NBEA: variants seen among roughly 807,000 people sequenced by gnomAD.
NBEA encodes neurobeachin.
NBEA carries 44 observed loss-of-function variants against 343.4 expected under a neutral mutation model. The observed-to-expected ratio is 0.13, with a 90% CI of 0.10 to 0.16. NBEA has a LOEUF of 0.16. NBEA is among the 10% of genes least tolerant of loss of function. The probability of loss-of-function intolerance (pLI) is 1.00; values close to 1 mark genes in which losing one functional copy is unlikely to be tolerated. For missense variants in NBEA, 2,555 were observed against 3,631.3 expected (o/e 0.70, Z 7.62); for synonymous variants, 1,175 against 1,238.7 (o/e 0.95, Z 1.08).
chr13:35,542,894 T>C (rs902320896), intron 41 of NBEA, among the ~76,000 whole-genome samples: 2 of 152,064 alleles, frequency 1.3e-5, no homozygotes, highest in African/African-American at 2.4e-5. Context: ...TTTATATAAT[T>C]TCTCTCTTTG....
intron 38 of NBEA, among the ~76,000 whole-genome samples, chr13:35,379,232 C>G (rs1018990105): frequency 2.6e-5 from 4 of 151,984 alleles, no homozygotes; most frequent in Non-Finnish European, 5.9e-5. Context: ...TTTACATTTT[C>G]TGTGATTTTC....
At chr13:35,073,030 C>G (rs1211532973) in intron 10 of NBEA, among the ~76,000 whole-genome samples, 1 of 152,040 alleles carries the variant, frequency 6.6e-6, no homozygotes, top group Admixed American at 6.6e-5. Flanking sequence ...GAGATTTGCT[C>G]TTTGGTACAG....
In NBEA at chr13:35,055,434, A is replaced by C. The variant is rs528723476; in HGVS notation, c.973-576A>C. ...TTAAATATATAATTATCCTGGATTT[A>C]CTAAATCTAAATGGTGAAATTGAAG... On this transcript the variant is annotated intron_variant, in intron 6 of 58. Transcript: ENST00000379939. Among the ~76,000 whole-genome samples, 3 of 152,264 alleles carry C rather than the reference A, an allele frequency of 2.0e-5. No homozygotes were observed. In the South Asian group the frequency reaches 6.2e-4, roughly 32 times the overall value.
At chr13:35,632,537 A>G (rs2083497201) in intron 49 of NBEA, among the ~76,000 whole-genome samples, 1 of 151,820 alleles carries the variant, frequency 6.6e-6, no homozygotes, top group Non-Finnish European at 1.5e-5. Flanking sequence ...GGTATAATGA[A>G]CCTCCATGTA....
intron 36 of NBEA, among the ~76,000 whole-genome samples, chr13:35,317,564 C>T (rs1390794916): frequency 2.6e-5 from 4 of 152,114 alleles, no homozygotes; most frequent in African/African-American, 7.2e-5. Flanking sequence ...GTTCTTTTTG[C>T]TTAGGATTGT....
intron 38 of NBEA, among the ~76,000 whole-genome samples, chr13:35,422,766 C>A (rs561436119): frequency 6.6e-6 from 1 of 152,076 alleles, no homozygotes. Context: ...GTCCCACCAA[C>A]GTGTAAAAGT....
At chr13:35,394,292 A>T (rs568340105) in intron 38 of NBEA, among the ~76,000 whole-genome samples, 1 of 152,136 alleles carries the variant, frequency 6.6e-6, no homozygotes, top group South Asian at 2.1e-4. Flanking sequence ...TCTTTTCAAA[A>T]CACAAGGGAA....
chr13:35,352,153 A>G lies in NBEA; in HGVS notation c.6013-4A>G, dbSNP rs1297378511. ...TATTATGCATCATTTGTATTTCTTT[A>G]TAGTCACAGTGTGCCCAATATGCTG... On this transcript the variant is annotated splice_polypyrimidine_tract_variant and splice_region_variant and intron_variant, in intron 37 of 58. Coordinates refer to ENST00000379939, the MANE Select transcript of NBEA (RefSeq NM_001385012.1). 2 of 1,427,868 alleles carry G rather than the reference A, an allele frequency of 1.4e-6. No homozygotes were observed. The highest frequency in any genetic ancestry group is 1.9e-6 in the Non-Finnish European group (2 of 1,076,808). The allele number at this position is 1,427,868 out of a possible 1,614,324, so 88.4% of individuals were successfully genotyped here.
At chr13:35,358,503 AG>A (rs1180563029) in intron 38 of NBEA, among the ~76,000 whole-genome samples, 1 of 151,336 alleles carries the variant, frequency 6.6e-6, no homozygotes, top group African/African-American at 2.4e-5. Flanking sequence ...GATTACTTTG[AG>A]GTTAGGAGTT....
intron 1 of NBEA, among the ~76,000 whole-genome samples, chr13:35,028,260 G>A (rs2062082405): frequency 6.6e-6 from 1 of 151,874 alleles, no homozygotes; most frequent in South Asian, 2.1e-4. Context: ...AATTTGAGGA[G>A]AGTTGATATC....
chr13:34,999,585 A>C (rs2061055034), intron 1 of NBEA, among the ~76,000 whole-genome samples: 1 of 152,142 alleles, frequency 6.6e-6, no homozygotes, highest in East Asian at 1.9e-4. Context: ...TCTTATGCTT[A>C]CTGTCATTAG....
intron 1 of NBEA, among the ~76,000 whole-genome samples, chr13:34,987,618 CTT>C (rs1396309292): frequency 6.6e-6 from 1 of 150,944 alleles, no homozygotes; most frequent in African/African-American, 2.4e-5. Flanking sequence ...ATCCCCATCA[CTT>C]TTAGGTACAC....
At chr13:35,577,147 G>C (rs1216580698) in intron 45 of NBEA, among the ~76,000 whole-genome samples, 1 of 152,170 alleles carries the variant, frequency 6.6e-6, no homozygotes, top group African/African-American at 2.4e-5. Context: ...GCTAGAAAAA[G>C]AGAGCTTTTC....
Position 35,226,319 on chromosome 13 carries a change from A to T in NBEA, c.5649-6173A>T, listed in dbSNP as rs149960587. On this transcript the variant is annotated intron_variant, in intron 33 of 58. Coordinates refer to ENST00000379939, the MANE Select transcript of NBEA (RefSeq NM_001385012.1). ...GAGGGGGCTTAACCTTGGGTGAAGCAGCTCCCTTCTAGGGAGGGATTCAGC... is the reference window on the plus strand; with the variant it reads ...GAGGGGGCTTAACCTTGGGTGAAGCTGCTCCCTTCTAGGGAGGGATTCAGC... Among the ~76,000 whole-genome samples, 701 of 152,246 alleles carry T rather than the reference A, an allele frequency of 4.6e-3. 3 individuals are homozygous for T. Among genetic ancestry groups the T allele is most frequent in the Non-Finnish European group, 7.9e-3 (536 of 68,002 alleles).
At chr13:35,544,410 GA>G (rs2078973719) in intron 41 of NBEA, among the ~76,000 whole-genome samples, 1 of 151,866 alleles carries the variant, frequency 6.6e-6, no homozygotes, top group Non-Finnish European at 1.5e-5. Flanking sequence ...TCCTTAAAAA[GA>G]AAAAAAGGTG....
chr13:35,028,899 C>T (rs2062105870), intron 1 of NBEA, among the ~76,000 whole-genome samples: 2 of 151,648 alleles, frequency 1.3e-5, no homozygotes, highest in Non-Finnish European at 3.0e-5. Flanking sequence ...GTTCATTTCA[C>T]TTAGCATAAT....
intron 1 of NBEA, among the ~76,000 whole-genome samples, chr13:34,971,192 A>T (rs2059986975): frequency 1.3e-5 from 2 of 152,140 alleles, no homozygotes; most frequent in Non-Finnish European, 2.9e-5. Flanking sequence ...CTGTTGGTGT[A>T]TAGGAACGCT....
chr13:35,276,903 A>G (rs921372391), intron 34 of NBEA, among the ~76,000 whole-genome samples: 1 of 152,176 alleles, frequency 6.6e-6, no homozygotes, highest in Non-Finnish European at 1.5e-5. Context: ...TATAAAATAG[A>G]TTATACATTT....
At chr13:35,448,047 G>A (rs890586437) in intron 39 of NBEA, among the ~76,000 whole-genome samples, 1 of 152,110 alleles carries the variant, frequency 6.6e-6, no homozygotes, top group African/African-American at 2.4e-5. Context: ...TAAATGTTTG[G>A]TGCAGTACCA....
Sources: gnomAD v4.1 joint callset for allele counts (sites outside exome capture counted in the v4.1 genomes callset) on GRCh38, gnomAD v4.1.1 for gene constraint, MANE v1.5 for transcripts, NCBI Gene and HGNC (gene_info 2026-07-23, HGNC 2026-07-21) for gene names.